TDRD1: variants seen among roughly 807,000 people sequenced by gnomAD.
The protein encoded by TDRD1 is tudor domain containing 1.
A neutral mutation model predicts 140.6 loss-of-function variants in TDRD1; 37 were observed. That is an observed-to-expected ratio of 0.26 (90% CI 0.20 to 0.35). The LOEUF is 0.35. Among genes scored for constraint, TDRD1 ranks in the 10% least tolerant of loss-of-function variants. The pLI, the probability that TDRD1 is intolerant of heterozygous loss-of-function variation, is 1.00. For missense variants in TDRD1, 1,243 were observed against 1,393.0 expected (o/e 0.89, Z 1.71); for synonymous variants, 506 against 475.7 (o/e 1.06, Z -0.83).
At chr10:114,191,308 G>A (rs548482128) in intron 3 of TDRD1, among the ~76,000 whole-genome samples, 2 of 152,206 alleles carry the variant, frequency 1.3e-5, no homozygotes, top group South Asian at 2.1e-4. Context: ...ATCAAGATAC[G>A]GAACATTTCC....
intron 25 of TDRD1, among the ~76,000 whole-genome samples, chr10:114,229,476 A>T (rs2036628098): frequency 6.6e-6 from 1 of 151,974 alleles, no homozygotes; most frequent in African/African-American, 2.4e-5. Flanking sequence ...GGTTATTACA[A>T]CTTTCAGTCC....
intron 5 of TDRD1, 109 bp from the exon 6 acceptor site, chr10:114,202,128 GT>G: frequency 5.1e-6 from 4 of 788,318 alleles, no homozygotes; most frequent in Non-Finnish European, 8.0e-6. Flanking sequence ...GGAAGAAGCT[GT>G]TTTGCTCTTT....
intron 4 of TDRD1, among the ~76,000 whole-genome samples, chr10:114,200,808 G>A (rs192818677): frequency 2.7e-5 from 4 of 149,684 alleles, no homozygotes; most frequent in Admixed American, 1.3e-4. Context: ...GATTACAGGC[G>A]TGAGCCACTG....
chr10:114,204,155 A>AAATAATTCC (rs2034949454), exon 9 of TDRD1: 3 of 1,601,456 alleles, frequency 1.9e-6, no homozygotes, highest in Non-Finnish European at 2.5e-6. Context: ...GGAAATGAAG[A>AAATAATTCC]AATAATTCCA....
intron 21 of TDRD1, among the ~76,000 whole-genome samples, chr10:114,225,566 A>G (rs1460954768): frequency 2.0e-5 from 3 of 152,230 alleles, no homozygotes; most frequent in Admixed American, 2.0e-4. Context: ...TTTAAAAAAA[A>G]AAAAAAAATC....
At chr10:114,192,615 A>C (rs1336212679) in intron 3 of TDRD1, among the ~76,000 whole-genome samples, 2 of 151,986 alleles carry the variant, frequency 1.3e-5, no homozygotes, top group African/African-American at 4.8e-5. Context: ...TACTTCTTAC[A>C]TTTAAGTTTT....
intron 3 of TDRD1, among the ~76,000 whole-genome samples, chr10:114,192,804 T>C (rs187121852): frequency 6.6e-6 from 1 of 152,334 alleles, no homozygotes; most frequent in African/African-American, 2.4e-5. Flanking sequence ...TGTAGATATA[T>C]GTGTCTGTCT....
chr10:114,196,006 C>T (rs1482144380), intron 3 of TDRD1, among the ~76,000 whole-genome samples: 1 of 152,222 alleles, frequency 6.6e-6, no homozygotes, highest in Non-Finnish European at 1.5e-5. Context: ...CCTTCCCATA[C>T]ATTTCTTTAC....
At position 114,228,023 on chromosome 10, in the gene TDRD1, CT is replaced by C. The variant is rs34764386; in HGVS notation, c.3451-10del. On this transcript the variant is annotated splice_polypyrimidine_tract_variant and intron_variant, in intron 24 of 25. Transcript: ENST00000251864. ...TTTTAGAAATTAAATCATATGGTTTCTTTTTCACCCACAGGTTGAAAAACAT... is the reference window on the plus strand; with the variant it reads ...TTTTAGAAATTAAATCATATGGTTTCTTTTCACCCACAGGTTGAAAAACAT... 5.6e-6 allele frequency: 9 copies of C among 1,609,950 alleles called. No individual in the cohort carries two copies. Among genetic ancestry groups the C allele is most frequent in the Non-Finnish European group, 7.6e-6 (9 of 1,178,206 alleles).
chr10:114,223,725 A>G (rs1007318254), intron 21 of TDRD1, among the ~76,000 whole-genome samples: 7 of 151,308 alleles, frequency 4.6e-5, no homozygotes, highest in African/African-American at 9.7e-5. Context: ...GTGTATTACA[A>G]TTACCTTCTC....
At chr10:114,221,929 T>A (rs1336386665) in intron 20 of TDRD1, among the ~76,000 whole-genome samples, 5 of 152,224 alleles carry the variant, frequency 3.3e-5, no homozygotes, top group African/African-American at 1.2e-4. Flanking sequence ...TTTTGTTGTT[T>A]CATGGAAGTT....
At chr10:114,210,918 C>G (rs750290869) in exon 13 of TDRD1, 1 of 1,614,162 alleles carries the variant, frequency 6.2e-7, no homozygotes. Flanking sequence ...TGCCTCCACG[C>G]TCTGATTTTT....
chr10:114,210,516 G>T (rs547990429), intron 11 of TDRD1, 65 bp from the exon 12 acceptor site: 3 of 1,442,198 alleles, frequency 2.1e-6, no homozygotes, highest in Non-Finnish European at 2.8e-6. Context: ...ATTAAAGCGT[G>T]CATAATTTTT....
At chr10:114,228,188 C>T in intron 25 of TDRD1, 2 of 1,503,604 alleles carry the variant, frequency 1.3e-6, no homozygotes, top group South Asian at 1.4e-5. Flanking sequence ...CATCTTCAGG[C>T]ATATTGGCAG....
chr10:114,221,656 G>A (rs533682344), intron 20 of TDRD1, among the ~76,000 whole-genome samples, 180 bp downstream of exon 20: 2 of 152,314 alleles, frequency 1.3e-5, no homozygotes, highest in East Asian at 3.9e-4. Flanking sequence ...ATGAAGGGAA[G>A]CCCTACTACA....
chr10:114,180,695 C>T (rs1432468992), intron 1 of TDRD1, among the ~76,000 whole-genome samples: 1 of 152,098 alleles, frequency 6.6e-6, no homozygotes, highest in Non-Finnish European at 1.5e-5. Flanking sequence ...CAACTCCTCA[C>T]CTCAGGTGAT....
chr10:114,211,945 A>G, exon 14 of TDRD1: 7 of 1,612,234 alleles, frequency 4.3e-6, no homozygotes, highest in Non-Finnish European at 5.9e-6. Context: ...TAGATTATGG[A>G]AACTTTGAAA....
intron 22 of TDRD1, 69 bp from the exon 23 acceptor site, chr10:114,227,003 C>T (rs2036475950): frequency 3.6e-6 from 3 of 836,356 alleles, no homozygotes; most frequent in Non-Finnish European, 1.9e-6. Flanking sequence ...GCTTATTATT[C>T]TTAGATAATT....
intron 3 of TDRD1, among the ~76,000 whole-genome samples, chr10:114,198,040 G>A (rs955949599): frequency 2.0e-5 from 3 of 152,118 alleles, no homozygotes; most frequent in Non-Finnish European, 2.9e-5. Context: ...AGGTCGGGGG[G>A]TATATGTCCA....
Sources: allele counts gnomAD v4.1 joint callset (sites outside exome capture counted in the v4.1 genomes callset), GRCh38; gene constraint gnomAD v4.1.1; transcripts MANE v1.5; gene names NCBI Gene and HGNC (gene_info 2026-07-23, HGNC 2026-07-21).